ZP3: variants seen among roughly 807,000 people sequenced by gnomAD.
ZP3 encodes the protein zona pellucida glycoprotein 3.
ZP3 carries 21 observed loss-of-function variants against 35.6 expected under a neutral mutation model. The observed-to-expected ratio is 0.59, with a 90% confidence interval of 0.42 to 0.85. The LOEUF (loss-of-function observed/expected upper bound fraction) is 0.85, where lower values mean the gene tolerates loss of function less well. ZP3 is among the 40% of genes least tolerant of loss of function. The pLI, the probability that ZP3 is intolerant of heterozygous loss-of-function variation, is 0.00. For synonymous variants in ZP3, 207 were observed against 214.5 expected (o/e 0.96, Z 0.31); for missense variants, 437 against 536.5 (o/e 0.81, Z 1.83).
chr7:76,415,419 C>T (rs868073157), intron 1 of ZP3, among the ~76,000 whole-genome samples: 3 of 146,054 alleles, frequency 2.1e-5, no homozygotes, highest in Non-Finnish European at 4.5e-5. Context: ...ACTATGACAA[C>T]TATGACAACT....
chr7:76,404,177 G>A, intron 1 of ZP3: 2 of 1,324,814 alleles, frequency 1.5e-6, no homozygotes, highest in Non-Finnish European at 2.0e-6. Flanking sequence ...TCAACTCTGG[G>A]CAAAGGTCAG....
intron 5 of ZP3, among the ~76,000 whole-genome samples, chr7:76,434,990 A>G (rs1805947024): frequency 6.6e-6 from 1 of 152,174 alleles, no homozygotes; most frequent in Non-Finnish European, 1.5e-5. Context: ...GAGGTGGGGG[A>G]GGGATGCAGT....
rs185567222 is a variant in ZP3 at position 76,435,386 on chromosome 7, C to G, written c.831+1231C>G. Among the ~76,000 whole-genome samples, 357 of 152,326 alleles carry G rather than the reference C, an allele frequency of 2.3e-3. 1 individual carries two copies. Among genetic ancestry groups the G allele is most frequent in the Non-Finnish European group, 4.0e-3 (272 of 68,024 alleles). On this transcript the variant is annotated intron_variant, in intron 5 of 7. Transcript: ENST00000394857. ...TCCAGGCTGGTCCCAAACTCCTGACCTCAGGTGATCCGCCTGCCTCGGTCT... is the reference window on the plus strand; with the variant it reads ...TCCAGGCTGGTCCCAAACTCCTGACGTCAGGTGATCCGCCTGCCTCGGTCT...
intron 1 of ZP3, among the ~76,000 whole-genome samples, chr7:76,415,860 T>C (rs1395282726): frequency 2.0e-5 from 3 of 151,442 alleles, no homozygotes; most frequent in African/African-American, 7.3e-5. Context: ...CTAGCCGCAG[T>C]GGCTCATGCC....
rs1045370661 is a variant in ZP3, at chr7:76,411,574, A to G, written c.-66-13478A>G. Among the ~76,000 whole-genome samples, 9 of 151,584 alleles carry G rather than the reference A, an allele frequency of 5.9e-5. No individual in the cohort carries two copies. The South Asian group carries it at 6.3e-4, about 11-fold the overall frequency. Reference sequence around the variant, plus strand: ...ACAGAGAGAGACCCTGTTTTAGGGGAAAAAAAAAGAACGATGATGAGTTAT... The same window carrying G: ...ACAGAGAGAGACCCTGTTTTAGGGGGAAAAAAAAGAACGATGATGAGTTAT... On this transcript the variant is annotated intron_variant, in intron 1 of 8. Transcript: ENST00000336517.
upstream of ZP3, among the ~76,000 whole-genome samples, chr7:76,423,031 GA>G (rs1407806183): frequency 8.7e-5 from 10 of 114,486 alleles, no homozygotes; most frequent in Non-Finnish European, 1.8e-4. Flanking sequence ...GAGAGAGAAA[GA>G]AAGAAAGAAA....
rs115986636 is a variant in ZP3, at chr7:76,405,907, C to G, written c.-67+8110C>G. ...CTTTCCTTCCTTCCTTCTGTCCCTCCTTCCCTCCCTCTCTCCCTTTCTTGC... is the reference window on the plus strand; with the variant it reads ...CTTTCCTTCCTTCCTTCTGTCCCTCGTTCCCTCCCTCTCTCCCTTTCTTGC... On this transcript the variant is annotated intron_variant, in intron 1 of 8. Coordinates refer to the ZP3 transcript ENST00000336517. Among the ~76,000 whole-genome samples, 1,314 of 151,988 alleles carry G rather than the reference C, an allele frequency of 8.6e-3. 23 individuals are homozygous for G. Among genetic ancestry groups the G allele is most frequent in the African/African-American group, 0.03 (1,254 of 41,460 alleles).
intron 1 of ZP3, chr7:76,398,672 A>T: frequency 1.3e-6 from 2 of 1,584,090 alleles, no homozygotes; most frequent in Middle Eastern, 1.7e-4. Flanking sequence ...AGGGTGTGAG[A>T]GACTCCTCTC....
chr7:76,422,994 C>A (rs1805542466), upstream of ZP3, among the ~76,000 whole-genome samples: 1 of 101,616 alleles, frequency 9.8e-6, no homozygotes, highest in Non-Finnish European at 1.9e-5. Flanking sequence ...GAGATCCTGT[C>A]TCAAAAGAAA....
chr7:76,435,045 G>C (rs1325196075), intron 5 of ZP3, among the ~76,000 whole-genome samples: 1 of 152,260 alleles, frequency 6.6e-6, no homozygotes, highest in South Asian at 2.1e-4. Flanking sequence ...GGAAGTACTG[G>C]TAAGTGGTTA....
intron 1 of ZP3, among the ~76,000 whole-genome samples, chr7:76,419,617 C>T (rs941521280): frequency 7.9e-5 from 12 of 151,844 alleles, no homozygotes; most frequent in African/African-American, 2.9e-4. Flanking sequence ...CCCTTCCTTC[C>T]TTCTTTCTTT....
intron 1 of ZP3, chr7:76,401,139 T>G (rs1337591698): frequency 1.4e-6 from 2 of 1,407,546 alleles, no homozygotes; most frequent in Non-Finnish European, 1.9e-6. Context: ...TCCTCAACAT[T>G]ACCCCCATCT....
upstream of ZP3, among the ~76,000 whole-genome samples, chr7:76,423,036 A>AAAGAAAGAAAGT (rs1805553742): frequency 7.9e-6 from 1 of 126,090 alleles, no homozygotes; most frequent in African/African-American, 3.0e-5. Context: ...AGAAAGAAAG[A>AAAGAAAGAAAGT]AAGAAAGAAA....
intron 1 of ZP3, among the ~76,000 whole-genome samples, chr7:76,410,282 C>T (rs989776505): frequency 3.3e-5 from 5 of 152,086 alleles, no homozygotes; most frequent in South Asian, 2.1e-4. Context: ...CCGCCTGCCT[C>T]GGCCTCCCAA....
At chr7:76,421,588 C>T (rs1805506026), upstream of ZP3, among the ~76,000 whole-genome samples, 1 of 151,582 alleles carries the variant, frequency 6.6e-6, no homozygotes, top group Admixed American at 6.6e-5. Flanking sequence ...TATATATACA[C>T]ACACATATAT....
intron 1 of ZP3, among the ~76,000 whole-genome samples, chr7:76,407,338 C>CT (rs71882894): frequency 6.7e-4 from 99 of 146,788 alleles, no homozygotes; most frequent in Non-Finnish European, 8.3e-4. Context: ...GGGAGGATCT[C>CT]TTTTTTTTTT....
chr7:76,440,397 T>C, intron 6 of ZP3, 56 bp downstream of exon 6: 1 of 1,611,792 alleles, frequency 6.2e-7, no homozygotes, highest in South Asian at 1.1e-5. Flanking sequence ...CGACCCCTTG[T>C]CTATTTCCCC....
chr7:76,405,271 T>TTATATA (rs1171830870), intron 1 of ZP3, among the ~76,000 whole-genome samples: 194 of 9,102 alleles, frequency 0.021, 6 homozygotes, highest in Non-Finnish European at 0.033. Flanking sequence ...ACCCAGCTAA[T>TTATATA]TATATATATA....
chr7:76,426,719 GTTT>G (rs1199637893), intron 1 of ZP3, among the ~76,000 whole-genome samples: 1 of 151,768 alleles, frequency 6.6e-6, no homozygotes, highest in African/African-American at 2.4e-5. Flanking sequence ...TGTTGTTTTT[GTTT>G]TTTGAGACAG....
Sources: gnomAD v4.1 joint callset for allele counts (sites outside exome capture counted in the v4.1 genomes callset) on GRCh38, gnomAD v4.1.1 for gene constraint, MANE v1.5 for transcripts, NCBI Gene and HGNC (gene_info 2026-07-23, HGNC 2026-07-21) for gene names.